Variants in TRPC3 observed in about 807,000 individuals in gnomAD.
TRPC3 encodes the protein short transient receptor potential channel 3.
A neutral mutation model predicts 90.9 loss-of-function variants in TRPC3; 54 were observed. The ratio of observed to expected loss-of-function variants is 0.59; its 90% CI spans 0.48 to 0.75. The LOEUF is 0.75. Ranked by LOEUF, TRPC3 falls within the 30% of genes least tolerant of loss-of-function variation. The pLI is 0.00. For synonymous variants in TRPC3, 424 were observed against 450.9 expected, an observed-to-expected ratio of 0.94 and a Z score of 0.75; for missense variants, 918 against 1,194.5, an observed-to-expected ratio of 0.77 and a Z score of 3.41.
At chr4:121,906,104 C>T (rs974276560) in intron 7 of TRPC3, among the ~76,000 whole-genome samples, 13 of 152,094 alleles carry the variant, frequency 8.5e-5, no homozygotes, top group South Asian at 2.1e-4. Flanking sequence ...GGGCAAGAGG[C>T]TTTATATAAC....
intron 10 of TRPC3, among the ~76,000 whole-genome samples, chr4:121,883,982 T>C (rs1728026347): frequency 6.6e-6 from 1 of 152,182 alleles, no homozygotes; most frequent in Admixed American, 6.5e-5. Flanking sequence ...CATACAACAA[T>C]GTTTGTAGCA....
intron 1 of TRPC3, among the ~76,000 whole-genome samples, chr4:121,936,324 G>C (rs1346357189): frequency 6.6e-6 from 1 of 152,186 alleles, no homozygotes; most frequent in East Asian, 1.9e-4. Context: ...GAATGGGGGA[G>C]AATGTTTAGC....
chr4:121,894,555 G>T (rs368651877), intron 10 of TRPC3, among the ~76,000 whole-genome samples: 606 of 62,994 alleles, frequency 9.6e-3, no homozygotes, highest in Middle Eastern at 0.071. Context: ...TACACATTCT[G>T]TTTTTTTTTT....
chr4:121,939,540 T>A (rs1299730728), intron 1 of TRPC3, among the ~76,000 whole-genome samples: 1 of 152,080 alleles, frequency 6.6e-6, no homozygotes, highest in Non-Finnish European at 1.5e-5. Flanking sequence ...TTCAATAAGG[T>A]GAGGAAGTAC....
chr4:121,921,544 A>C (rs1729512273), intron 3 of TRPC3, among the ~76,000 whole-genome samples: 1 of 150,166 alleles, frequency 6.7e-6, no homozygotes, highest in Non-Finnish European at 1.5e-5. Flanking sequence ...AAAAAAAAAA[A>C]GACTTCCTGA....
At chr4:121,907,215 T>A in intron 7 of TRPC3, 88 bp downstream of exon 7, 3 of 1,256,276 alleles carry the variant, frequency 2.4e-6, no homozygotes, top group Non-Finnish European at 3.3e-6. Context: ...AACATCTTTA[T>A]TACAATCAGA....
At chr4:121,883,606 C>T (rs1312045663) in intron 10 of TRPC3, among the ~76,000 whole-genome samples, 1 of 152,112 alleles carries the variant, frequency 6.6e-6, no homozygotes, top group African/African-American at 2.4e-5. Context: ...ATAAAGAGAA[C>T]GATTAATAAA....
chr4:121,892,415 CTG>C (rs1728361763), intron 10 of TRPC3, among the ~76,000 whole-genome samples: 1 of 152,140 alleles, frequency 6.6e-6, no homozygotes, highest in Non-Finnish European at 1.5e-5. Flanking sequence ...CACTTTCTAA[CTG>C]TATTTTGGAA....
In TRPC3 at chr4:121,899,647, A is replaced by G. The variant is rs1223730850; in HGVS notation, c.2512T>C (p.Phe838Leu). 4 of 1,613,670 alleles carry G rather than the reference A, an allele frequency of 2.5e-6. No homozygotes were observed. Among genetic ancestry groups the G allele is most frequent in the Non-Finnish European group, 3.4e-6 (4 of 1,179,754 alleles). The change falls in exon 10 of 12, where the codon TTT becomes CTT. Residue 838 changes from phenylalanine to leucine, a missense_variant. This residue lies in a region of TRPC3 where 121 missense variants were observed against 135.7 expected (regional missense o/e 0.89). Coordinates refer to ENST00000379645, the MANE Select transcript of TRPC3 (RefSeq NM_001130698.2). ...SNSRVFESHS[F>L]NSILNQPTRY... ...GTTGGCTGATTGAGAATGCTGTTAAAACTGTGTGATTCAAAAACTCTTGAG... is the reference window on the plus strand; with the variant it reads ...GTTGGCTGATTGAGAATGCTGTTAAGACTGTGTGATTCAAAAACTCTTGAG...
At chr4:121,922,346 G>C (rs1221559602) in intron 3 of TRPC3, among the ~76,000 whole-genome samples, 4 of 152,100 alleles carry the variant, frequency 2.6e-5, no homozygotes, top group African/African-American at 9.7e-5. Flanking sequence ...TATTATTCTA[G>C]AATAGAATTC....
chr4:121,941,375 T>C (rs1057384908), intron 1 of TRPC3, among the ~76,000 whole-genome samples: 1 of 152,182 alleles, frequency 6.6e-6, no homozygotes, highest in Non-Finnish European at 1.5e-5. Flanking sequence ...ATGGAGCAGT[T>C]CACCACATTG....
chr4:121,932,628 G>A lies in TRPC3; in HGVS notation c.630C>T (p.Pro210=). ...FAASKRLTLS[P]CEQELQDDDF... is the part of the protein sequence containing the mutation. ...CGTCGTCCTGCAGCTCCTGCTCACAGGGGCTCAGAGTGAGACGCTTGCTGG... is the reference window on the plus strand; with the variant it reads ...CGTCGTCCTGCAGCTCCTGCTCACAAGGGCTCAGAGTGAGACGCTTGCTGG... The change falls in exon 2 of 12, where the codon CCC becomes CCT. Residue 210 remains proline, a synonymous_variant. Coordinates refer to ENST00000379645, the MANE Select transcript of TRPC3 (RefSeq NM_001130698.2). The surrounding 1 kb of genome is among the most constrained non-coding windows in gnomAD (Gnocchi z 7.7). 6.2e-7 allele frequency: 1 copy of A among 1,613,334 alleles called. No individual in the cohort carries two copies. Among genetic ancestry groups the A allele is most frequent in the Non-Finnish European group, 8.5e-7 (1 of 1,179,396 alleles).
At chr4:121,880,756 A>C (rs1727914751) in intron 11 of TRPC3, among the ~76,000 whole-genome samples, 1 of 152,176 alleles carries the variant, frequency 6.6e-6, no homozygotes. Flanking sequence ...GAATCTAAGA[A>C]ATGATTCTTC....
At chr4:121,921,297 C>T (rs1015598874) in intron 3 of TRPC3, among the ~76,000 whole-genome samples, 5 of 151,642 alleles carry the variant, frequency 3.3e-5, no homozygotes, top group South Asian at 2.1e-4. Context: ...CCGAGGCGGG[C>T]GGATCACGAG....
intron 10 of TRPC3, among the ~76,000 whole-genome samples, chr4:121,891,024 G>T (rs1394222958): frequency 1.3e-5 from 2 of 152,016 alleles, no homozygotes; most frequent in Non-Finnish European, 2.9e-5. Flanking sequence ...CATAGTGTAT[G>T]CCAGGAAAAA....
rs184208658 is a variant in TRPC3, at chr4:121,900,808, G to T, written c.2464-1113C>A. The stretch of plus-strand genomic sequence containing the variant: ...AATCAAAATTTTATTATTTATTGTG[G>T]CAGTTTTTAACCAGATATGGGAAGA... On this transcript the variant is annotated intron_variant, in intron 9 of 11. Transcript: ENST00000379645. Among the ~76,000 whole-genome samples the T allele has an allele frequency of 4.6e-3, 700 of 152,194 alleles. 5 individuals are homozygous for T. The highest frequency in any genetic ancestry group is 0.01 in the Middle Eastern group (3 of 294).
At chr4:121,924,334 A>G (rs1310268401) in intron 3 of TRPC3, among the ~76,000 whole-genome samples, 4 of 152,234 alleles carry the variant, frequency 2.6e-5, no homozygotes, top group Admixed American at 2.6e-4. Context: ...GTGCTTTTGC[A>G]TATCTTAACT....
At position 121,907,449 on chromosome 4, in the gene TRPC3, G is replaced by T; in HGVS notation, c.1911C>A (p.Gly637=). The T allele has an allele frequency of 6.2e-7, 1 of 1,613,432 alleles. No individual in the cohort carries two copies. The highest frequency in any genetic ancestry group is 8.5e-7 in the Non-Finnish European group (1 of 1,179,568). The change falls in exon 7 of 12, where the codon GGC becomes GGA. Residue 637 remains glycine (G), a synonymous_variant. Transcript: ENST00000379645. ...TCCTTCCAAGAGAGATCTGCAGGGGGCCAAAGCTCTCATTTGCAGGGAGGA... is the reference window on the plus strand; with the variant it reads ...TCCTTCCAAGAGAGATCTGCAGGGGTCCAAAGCTCTCATTTGCAGGGAGGA... ...AYILPANESF[G]PLQISLGRTV... is the part of the protein sequence containing the mutation.
rs140473207 is a variant in TRPC3 at position 121,907,954 on chromosome 4, C to A, written c.1793-387G>T. Among the ~76,000 whole-genome samples the A allele has an allele frequency of 4.2e-3, 634 of 152,236 alleles. 9 individuals carry two copies. Among genetic ancestry groups the A allele is most frequent in the African/African-American group, 0.014 (596 of 41,556 alleles). On this transcript the variant is annotated intron_variant, in intron 6 of 11. Transcript: ENST00000379645. ...ACCAGTTATTTTGTCATCCTATAGG[C>A]ACAGCCGGAGTGTAACTTCTTTTCC...
Sources: gnomAD v4.1 joint callset for allele counts (sites outside exome capture counted in the v4.1 genomes callset) on GRCh38, gnomAD v4.1.1 for gene constraint, gnomAD v4.1.1 regional missense constraint, Gnocchi (gnomAD v3.1) non-coding constraint, MANE v1.5 for transcripts, NCBI Gene and HGNC (gene_info 2026-07-23, HGNC 2026-07-21) for gene names.